SPRED1: variants seen among roughly 807,000 people sequenced by gnomAD.
SPRED1 encodes sprouty related EVH1 domain containing 1, also known as sprouty-related, EVH1 domain-containing protein 1.
A neutral mutation model predicts 52.3 loss-of-function variants in SPRED1; 18 were observed. The ratio of observed to expected loss-of-function variants is 0.34; its 90% CI spans 0.24 to 0.51. The LOEUF (loss-of-function observed/expected upper bound fraction) is 0.51. SPRED1 is among the 20% of genes least tolerant of loss of function. The pLI, the probability that SPRED1 is intolerant of heterozygous loss-of-function variation, is 0.97. For missense variants in SPRED1, 485 were observed against 551.0 expected (o/e 0.88, Z 1.20); for synonymous variants, 155 against 179.7 (o/e 0.86, Z 1.10).
chr15:38,266,837 GAAAA>G (rs10711288), intron 1 of SPRED1, among the ~76,000 whole-genome samples: 13,745 of 150,398 alleles, frequency 0.091, 751 homozygotes, highest in East Asian at 0.21. Flanking sequence ...GAGCCAAAAA[GAAAA>G]AAAAAAAATT....
intron 2 of SPRED1, among the ~76,000 whole-genome samples, chr15:38,309,025 A>T (rs185315477): frequency 6.6e-6 from 1 of 152,134 alleles, no homozygotes; most frequent in South Asian, 2.1e-4. Flanking sequence ...ATTCTGAGAG[A>T]TGTGTAGTGA....
intron 1 of SPRED1, among the ~76,000 whole-genome samples, chr15:38,274,708 A>G (rs1244388939): frequency 6.6e-6 from 1 of 152,224 alleles, no homozygotes; most frequent in Non-Finnish European, 1.5e-5. Flanking sequence ...ATGATGTTGC[A>G]TTAAGTTGTC....
chr15:38,325,488 T>C (rs1198420272), intron 4 of SPRED1, among the ~76,000 whole-genome samples: 1 of 151,948 alleles, frequency 6.6e-6, no homozygotes, highest in Non-Finnish European at 1.5e-5. Context: ...TTCATAAGAT[T>C]GTGGGCTGGG....
At chr15:38,270,697 A>C (rs778749287) in intron 1 of SPRED1, among the ~76,000 whole-genome samples, 4 of 152,196 alleles carry the variant, frequency 2.6e-5, no homozygotes, top group Non-Finnish European at 5.9e-5. Flanking sequence ...GGGATTACAT[A>C]CTCGACCTGA....
intron 1 of SPRED1, chr15:38,298,628 CT>C: frequency 4.2e-6 from 1 of 240,648 alleles, no homozygotes. Context: ...CAGGCAAAAT[CT>C]CTGTGTTCGG....
intron 1 of SPRED1, among the ~76,000 whole-genome samples, chr15:38,298,383 A>G (rs1020569093): frequency 6.6e-6 from 1 of 152,214 alleles, no homozygotes; most frequent in African/African-American, 2.4e-5. Flanking sequence ...TGTCTACAAA[A>G]AAGACATGTA....
chr15:38,285,046 AT>A (rs1421766371), intron 1 of SPRED1, among the ~76,000 whole-genome samples: 2 of 151,392 alleles, frequency 1.3e-5, no homozygotes, highest in Admixed American at 6.6e-5. Flanking sequence ...TACTAGATCT[AT>A]TTTTTTTAAA....
chr15:38,277,628 A>G (rs1320757980), intron 1 of SPRED1, among the ~76,000 whole-genome samples: 1 of 152,182 alleles, frequency 6.6e-6, no homozygotes, highest in Non-Finnish European at 1.5e-5. Context: ...TCCGTTGGGT[A>G]CTTACCCAGT....
intron 2 of SPRED1, among the ~76,000 whole-genome samples, chr15:38,311,781 A>G (rs141392402): frequency 1.3e-5 from 2 of 152,082 alleles, no homozygotes; most frequent in South Asian, 4.1e-4. Flanking sequence ...CATTCCTGTA[A>G]TGGATTTGTG....
chr15:38,289,628 G>C (rs146212818), intron 1 of SPRED1, among the ~76,000 whole-genome samples: 1 of 152,036 alleles, frequency 6.6e-6, no homozygotes, highest in African/African-American at 2.4e-5. Flanking sequence ...TTTCCTGACT[G>C]TATAGGACTG....
At chr15:38,342,594 A>G (rs1213136996) in intron 5 of SPRED1, among the ~76,000 whole-genome samples, 5 of 151,824 alleles carry the variant, frequency 3.3e-5, no homozygotes, top group Admixed American at 6.6e-5. Flanking sequence ...TATTTCCTTC[A>G]TTTTTGAAGG....
At position 38,304,373 on chromosome 15, in the gene SPRED1, T is replaced by G. The variant is rs188607795; in HGVS notation, c.207+4826T>G. 3.3e-5 allele frequency among the ~76,000 whole-genome samples: 5 copies of G among 152,338 alleles called. No homozygotes were observed. In the East Asian group the frequency reaches 9.6e-4, roughly 29 times the overall value. ...TGCCTTAACTAACTTTTCCTTAGGA[T>G]TCAGCCTTCCTAGCAGTTTTGTTTC... On this transcript the variant is annotated intron_variant, in intron 2 of 6. Transcript: ENST00000299084.
intron 3 of SPRED1, among the ~76,000 whole-genome samples, chr15:38,323,323 A>AT (rs1421121573): frequency 1.3e-5 from 2 of 152,112 alleles, no homozygotes; most frequent in Non-Finnish European, 2.9e-5. Flanking sequence ...TAAATGAGTA[A>AT]TTTTTTATTC....
At chr15:38,296,464 C>T (rs1266577420) in intron 1 of SPRED1, among the ~76,000 whole-genome samples, 1 of 152,102 alleles carries the variant, frequency 6.6e-6, no homozygotes, top group East Asian at 1.9e-4. Flanking sequence ...TCATTTCAAA[C>T]AAAACTACAT....
intron 2 of SPRED1, among the ~76,000 whole-genome samples, chr15:38,306,383 C>T (rs1001646159): frequency 1.1e-4 from 16 of 152,026 alleles, no homozygotes; most frequent in Admixed American, 2.0e-4. Context: ...TGGCAGGAAA[C>T]GGTTTCCTTT....
At chr15:38,305,288 C>A (rs139204807) in intron 2 of SPRED1, among the ~76,000 whole-genome samples, 1 of 150,264 alleles carries the variant, frequency 6.7e-6, no homozygotes, top group Middle Eastern at 3.2e-3. Flanking sequence ...GCCAAGATCA[C>A]GCCATTGCAC....
At chr15:38,274,961 A>C (rs910858491) in intron 1 of SPRED1, among the ~76,000 whole-genome samples, 1 of 152,238 alleles carries the variant, frequency 6.6e-6, no homozygotes, top group African/African-American at 2.4e-5. Flanking sequence ...TTGTTTTGCC[A>C]GGTTTTGTAA....
intron 2 of SPRED1, among the ~76,000 whole-genome samples, chr15:38,311,184 G>A (rs1895359895): frequency 6.6e-6 from 1 of 151,894 alleles, no homozygotes; most frequent in Admixed American, 6.6e-5. Flanking sequence ...TTTTTTTTGT[G>A]TCAATTGATC....
intron 5 of SPRED1, among the ~76,000 whole-genome samples, chr15:38,344,287 A>G (rs1413933725): frequency 6.6e-6 from 1 of 152,208 alleles, no homozygotes; most frequent in Non-Finnish European, 1.5e-5. Context: ...AACACGGTGA[A>G]TGTAACACAG....
Sources: allele counts gnomAD v4.1 joint callset (sites outside exome capture counted in the v4.1 genomes callset), GRCh38; gene constraint gnomAD v4.1.1; transcripts MANE v1.5; gene names NCBI Gene and HGNC (gene_info 2026-07-23, HGNC 2026-07-21).